Variants in ST3GAL3 observed in about 807,000 individuals in gnomAD.
ST3GAL3 encodes ST3 beta-galactoside alpha-2,3-sialyltransferase 3, also known as CMP-N-acetylneuraminate-beta-1,4-galactoside alpha-2,3-sialyltransferase.
In ST3GAL3, 21 loss-of-function variants were observed where a neutral mutation model predicts 50.1. The observed-to-expected ratio is 0.42, with a 90% CI of 0.30 to 0.60. The LOEUF (loss-of-function observed/expected upper bound fraction) is 0.60, where lower values mean the gene tolerates loss of function less well. ST3GAL3 is among the 20% of genes least tolerant of loss of function. The pLI, the probability that ST3GAL3 is intolerant of heterozygous loss-of-function variation, is 0.19. For missense variants in ST3GAL3, 353 were observed against 489.4 expected (o/e 0.72, Z 2.63); for synonymous variants, 183 against 190.0 (o/e 0.96, Z 0.30).
At chr1:43,747,381 C>T (rs1401635433) in intron 2 of ST3GAL3, among the ~76,000 whole-genome samples, 2 of 151,870 alleles carry the variant, frequency 1.3e-5, no homozygotes, top group African/African-American at 4.8e-5. Context: ...CACTGCACTC[C>T]AGTCTGGGTG....
intron 3 of ST3GAL3, among the ~76,000 whole-genome samples, chr1:43,797,687 A>G (rs2058837949): frequency 6.6e-6 from 1 of 152,204 alleles, no homozygotes; most frequent in South Asian, 2.1e-4. Context: ...ATCATACTTT[A>G]TGGTAAAAGA....
intron 4 of ST3GAL3, among the ~76,000 whole-genome samples, chr1:43,832,754 C>T (rs2063713903): frequency 6.6e-6 from 1 of 152,182 alleles, no homozygotes; most frequent in South Asian, 2.1e-4. Context: ...TAGGATTACT[C>T]AAGCTAGGCG....
intron 1 of ST3GAL3, among the ~76,000 whole-genome samples, chr1:43,716,767 T>G (rs1047968595): frequency 5.9e-5 from 9 of 152,162 alleles, no homozygotes; most frequent in Admixed American, 6.6e-5. Context: ...GTCCATGAAA[T>G]TAAACACCAA....
intron 3 of ST3GAL3, among the ~76,000 whole-genome samples, chr1:43,797,750 T>C (rs1192775267): frequency 6.6e-6 from 1 of 152,044 alleles, no homozygotes; most frequent in African/African-American, 2.4e-5. Flanking sequence ...GTCAATGTAA[T>C]AAAGCAATAA....
At chr1:43,803,617 A>T (rs1001946398) in intron 3 of ST3GAL3, among the ~76,000 whole-genome samples, 4 of 152,174 alleles carry the variant, frequency 2.6e-5, no homozygotes, top group African/African-American at 9.7e-5. Flanking sequence ...AATGCATGGG[A>T]TCCTTTTGTT....
chr1:43,728,590 A>G (rs544379048), intron 1 of ST3GAL3, among the ~76,000 whole-genome samples: 6 of 152,208 alleles, frequency 3.9e-5, no homozygotes, highest in Admixed American at 6.5e-5. Flanking sequence ...ACAAAAAGTT[A>G]AAAAAATTTT....
At chr1:43,729,847 G>A (rs891921349) in intron 1 of ST3GAL3, among the ~76,000 whole-genome samples, 5 of 152,164 alleles carry the variant, frequency 3.3e-5, no homozygotes, top group Non-Finnish European at 5.9e-5. Flanking sequence ...GTGTATCTTT[G>A]GGATAGTTTC....
rs1267825208 is a variant in ST3GAL3 at position 43,765,780 on chromosome 1, TGTGTGCGC to T, written c.119-26320_119-26313del. ...GTGTGTGTGTGTGTGTGTGTGTGTGTGTGTGCGCGCGCGCGCGCGCGTCCGCGCGTCCG... is the reference window on the plus strand; with the variant it reads ...GTGTGTGTGTGTGTGTGTGTGTGTGTGCGCGCGCGCGCGTCCGCGCGTCCG... On this transcript the variant is annotated intron_variant, in intron 2 of 11. Coordinates refer to ENST00000347631, the MANE Select transcript of ST3GAL3 (RefSeq NM_006279.5). 9.0e-3 allele frequency among the ~76,000 whole-genome samples: 1,246 copies of T among 138,780 alleles called. 16 individuals carry two copies. Among genetic ancestry groups the T allele is most frequent in the African/African-American group, 0.034 (1,131 of 33,642 alleles). 91.0% of individuals were successfully genotyped at this position (138,780 alleles called of 152,430 possible). A position where few individuals can be genotyped will look rare whatever the true frequency, so the allele number is the denominator to read the frequency against.
At position 43,736,254 on chromosome 1, in the gene ST3GAL3, CAT is replaced by C; in HGVS notation, c.-8_-7del. The C allele has an allele frequency of 1.2e-6, 2 of 1,614,104 alleles. No homozygotes were observed. Among genetic ancestry groups the C allele is most frequent in the Non-Finnish European group, 1.7e-6 (2 of 1,180,002 alleles). On this transcript the variant is annotated 5_prime_UTR_variant, in exon 2 of 12. An upstream start codon of the reference 5' UTR is lost. Transcript: ENST00000347631. ...CTAGGTCATTTAGGAAATCGTAAATCATGTGAAGATGGGACTCTTGGTATTTG... is the reference window on the plus strand; with the variant it reads ...CTAGGTCATTTAGGAAATCGTAAATCGTGAAGATGGGACTCTTGGTATTTG...
At chr1:43,910,199 A>G (rs2080558412) in intron 9 of ST3GAL3, among the ~76,000 whole-genome samples, 1 of 152,308 alleles carries the variant, frequency 6.6e-6, no homozygotes, top group South Asian at 2.1e-4. Flanking sequence ...GGGTTTTTTT[A>G]TGTGAGTTAT....
chr1:43,821,560 C>A (rs2062097827), intron 4 of ST3GAL3, among the ~76,000 whole-genome samples: 1 of 152,128 alleles, frequency 6.6e-6, no homozygotes, highest in African/African-American at 2.4e-5. Flanking sequence ...AAGCAGAGAG[C>A]AGTGACTTGA....
intron 5 of ST3GAL3, among the ~76,000 whole-genome samples, chr1:43,872,817 A>G (rs1243272896): frequency 6.6e-6 from 1 of 152,186 alleles, no homozygotes; most frequent in Non-Finnish European, 1.5e-5. Context: ...AATGGAAGTT[A>G]GAGAGGGGCT....
At chr1:43,894,311 A>T in intron 5 of ST3GAL3, 72 bp from the exon 6 acceptor site, 1 of 1,468,988 alleles carries the variant, frequency 6.8e-7, no homozygotes, top group Non-Finnish European at 9.5e-7. Flanking sequence ...GCCAAGACCG[A>T]CGTACGGAAG....
chr1:43,906,741 A>G (rs892750817), intron 9 of ST3GAL3, among the ~76,000 whole-genome samples: 9 of 151,834 alleles, frequency 5.9e-5, no homozygotes. Flanking sequence ...CATCACTATC[A>G]TTATCATTAT....
At chr1:43,778,917 G>C (rs1243557847) in intron 2 of ST3GAL3, among the ~76,000 whole-genome samples, 1 of 151,792 alleles carries the variant, frequency 6.6e-6, no homozygotes, top group African/African-American at 2.4e-5. Context: ...AAAGCGCTGG[G>C]ATTACAGGCG....
intron 2 of ST3GAL3, among the ~76,000 whole-genome samples, chr1:43,744,046 C>T (rs1682372811): frequency 6.6e-6 from 1 of 152,158 alleles, no homozygotes; most frequent in Non-Finnish European, 1.5e-5. Flanking sequence ...AACTTAATTT[C>T]CTCTCACTAT....
In ST3GAL3 at chr1:43,898,222, C is replaced by T; in HGVS notation, c.398-13C>T. Reference sequence around the variant, plus strand: ...GTGACCCTGTAACAGAAACCTCTCTCCTCTGTCTGCAGACAATCTGATCAA... The same window carrying T: ...GTGACCCTGTAACAGAAACCTCTCTTCTCTGTCTGCAGACAATCTGATCAA... On this transcript the variant is annotated splice_polypyrimidine_tract_variant and intron_variant, in intron 6 of 11. Transcript: ENST00000347631. 1 of 1,613,774 alleles carries T rather than the reference C, an allele frequency of 6.2e-7. No homozygotes were observed. Among genetic ancestry groups the T allele is most frequent in the Non-Finnish European group, 8.5e-7 (1 of 1,179,942 alleles).
chr1:43,769,069 C>T (rs1448656670), intron 2 of ST3GAL3, among the ~76,000 whole-genome samples: 3 of 152,086 alleles, frequency 2.0e-5, no homozygotes, highest in Non-Finnish European at 4.4e-5. Context: ...TTGGGCTTAT[C>T]CTAATATACA....
intron 5 of ST3GAL3, among the ~76,000 whole-genome samples, chr1:43,880,508 C>G (rs1011547087): frequency 1.1e-4 from 17 of 151,802 alleles, no homozygotes; most frequent in African/African-American, 2.4e-4. Context: ...TCCACTGTTA[C>G]GCTGGCTGTC....
Sources: allele counts gnomAD v4.1 joint callset (sites outside exome capture counted in the v4.1 genomes callset), GRCh38; gene constraint gnomAD v4.1.1; transcripts MANE v1.5; gene names NCBI Gene and HGNC (gene_info 2026-07-23, HGNC 2026-07-21).